CAMKMT: variants seen among roughly 807,000 people sequenced by gnomAD.
The protein encoded by CAMKMT is CaM KMT.
A neutral mutation model predicts 48.0 loss-of-function variants in CAMKMT; 53 were observed. That is an observed-to-expected ratio of 1.10 (90% CI 0.89 to 1.39). The LOEUF (loss-of-function observed/expected upper bound fraction) is 1.39, where lower values mean the gene tolerates loss of function less well. Ranked by LOEUF, CAMKMT falls within the 40% of genes most tolerant of loss-of-function variation. The pLI is 0.00. For missense variants in CAMKMT, 428 were observed against 402.7 expected (o/e 1.06, Z -0.54); for synonymous variants, 165 against 152.3 (o/e 1.08, Z -0.61).
intron 3 of CAMKMT, among the ~76,000 whole-genome samples, chr2:44,645,333 C>G (rs1673674297): frequency 1.3e-5 from 2 of 152,122 alleles, no homozygotes. Context: ...GAATGCCAAC[C>G]AGCAGCACAT....
intron 3 of CAMKMT, among the ~76,000 whole-genome samples, chr2:44,620,198 G>C (rs984331794): frequency 2.6e-5 from 4 of 152,004 alleles, no homozygotes; most frequent in African/African-American, 7.2e-5. Flanking sequence ...CAGTGATTAA[G>C]ATTGTGATAG....
chr2:44,421,267 G>T (rs1343170633), intron 3 of CAMKMT, among the ~76,000 whole-genome samples: 1 of 152,002 alleles, frequency 6.6e-6, no homozygotes, highest in African/African-American at 2.4e-5. Context: ...TTTGTCTTTT[G>T]TTAAATACTT....
chr2:44,406,154 G>A (rs995963953), intron 3 of CAMKMT, among the ~76,000 whole-genome samples: 3 of 152,236 alleles, frequency 2.0e-5, no homozygotes, highest in South Asian at 2.1e-4. Flanking sequence ...TAGAATTCAT[G>A]TTTCACCTGA....
intron 3 of CAMKMT, among the ~76,000 whole-genome samples, chr2:44,555,597 C>T (rs939624030): frequency 8.6e-5 from 13 of 152,020 alleles, no homozygotes; most frequent in Admixed American, 2.6e-4. Flanking sequence ...ATTTGGGAGT[C>T]ATCTTCAAAT....
chr2:44,723,990 T>C (rs1178477433), intron 7 of CAMKMT, among the ~76,000 whole-genome samples: 4 of 152,246 alleles, frequency 2.6e-5, no homozygotes, highest in Non-Finnish European at 5.9e-5. Flanking sequence ...ATCTGTGATG[T>C]TGCTTCCTTC....
At chr2:44,380,112 C>T (rs1442210152) in intron 2 of CAMKMT, among the ~76,000 whole-genome samples, 1 of 152,100 alleles carries the variant, frequency 6.6e-6, no homozygotes, top group Non-Finnish European at 1.5e-5. Flanking sequence ...CCTCTAGCAG[C>T]TTTTCTTTTT....
chr2:44,419,317 T>C (rs1683771767), intron 3 of CAMKMT, among the ~76,000 whole-genome samples: 1 of 152,236 alleles, frequency 6.6e-6, no homozygotes, highest in African/African-American at 2.4e-5. Flanking sequence ...TGAATGTTTC[T>C]ACAAAAGCAT....
At chr2:44,632,099 A>G (rs1412270335) in intron 3 of CAMKMT, among the ~76,000 whole-genome samples, 1 of 152,132 alleles carries the variant, frequency 6.6e-6, no homozygotes, top group Non-Finnish European at 1.5e-5. Flanking sequence ...AGCAACTTAA[A>G]AAAAGAAAAA....
At chr2:44,410,247 ATTT>A (rs1164693728) in intron 3 of CAMKMT, among the ~76,000 whole-genome samples, 7 of 19,480 alleles carry the variant, frequency 3.6e-4, no homozygotes, top group South Asian at 5.7e-3. Context: ...ATATATATAT[ATTT>A]TTTTTTTTTT....
chr2:44,738,430 A>G (rs953925829), intron 7 of CAMKMT, among the ~76,000 whole-genome samples: 15 of 152,372 alleles, frequency 9.8e-5, no homozygotes, highest in African/African-American at 3.6e-4. Flanking sequence ...ATCTTTAGAA[A>G]GCATTTTAAG....
chr2:44,511,935 G>A (rs1670584512), intron 3 of CAMKMT, among the ~76,000 whole-genome samples: 1 of 152,142 alleles, frequency 6.6e-6, no homozygotes, highest in Non-Finnish European at 1.5e-5. Flanking sequence ...ACTGTACTTT[G>A]TGCTTACCTA....
chr2:44,602,143 C>T (rs1671031456), intron 3 of CAMKMT, among the ~76,000 whole-genome samples: 1 of 151,984 alleles, frequency 6.6e-6, no homozygotes, highest in Admixed American at 6.6e-5. Flanking sequence ...GTAGCTGGGA[C>T]TACAGGTGCA....
At chr2:44,622,978 C>T (rs1286352582) in intron 3 of CAMKMT, among the ~76,000 whole-genome samples, 1 of 152,214 alleles carries the variant, frequency 6.6e-6, no homozygotes, top group Admixed American at 6.5e-5. Context: ...TCCCTTTTCT[C>T]TGCAGCCCTC....
intron 3 of CAMKMT, among the ~76,000 whole-genome samples, chr2:44,545,656 C>T (rs574875459): frequency 9.0e-4 from 132 of 147,118 alleles, no homozygotes; most frequent in African/African-American, 3.1e-3. Context: ...TAGAAGAATC[C>T]GGTGTTCTAA....
chr2:44,467,487 T>A (rs767958755), intron 3 of CAMKMT, among the ~76,000 whole-genome samples: 1 of 151,458 alleles, frequency 6.6e-6, no homozygotes, highest in Non-Finnish European at 1.5e-5. Context: ...AGCTGTGAGC[T>A]GTGATTGCAC....
At chr2:44,707,256 G>A in intron 5 of CAMKMT, 143 bp from the exon 6 acceptor site, 1 of 686,202 alleles carries the variant, frequency 1.5e-6, no homozygotes, top group Non-Finnish European at 2.5e-6. Context: ...AAATAATGCA[G>A]ACATAAAATG....
At chr2:44,488,091 A>G (rs1558651737) in intron 3 of CAMKMT, among the ~76,000 whole-genome samples, 1 of 152,244 alleles carries the variant, frequency 6.6e-6, no homozygotes, top group East Asian at 1.9e-4. Context: ...AAAGAACGGC[A>G]TGAAGTATGT....
chr2:44,667,619 G>C (rs202130968), intron 3 of CAMKMT, among the ~76,000 whole-genome samples: 1 of 151,898 alleles, frequency 6.6e-6, no homozygotes, highest in Non-Finnish European at 1.5e-5. Flanking sequence ...ATTCCTCCCC[G>C]TTATCTCCAT....
chr2:44,406,855 A>G (rs1308426212), intron 3 of CAMKMT, among the ~76,000 whole-genome samples: 1 of 152,132 alleles, frequency 6.6e-6, no homozygotes, highest in Non-Finnish European at 1.5e-5. Flanking sequence ...CGCCCACCAC[A>G]CCACATCTTC....
Sources: gnomAD v4.1 joint callset for allele counts (sites outside exome capture counted in the v4.1 genomes callset) on GRCh38, gnomAD v4.1.1 for gene constraint, MANE v1.5 for transcripts, NCBI Gene and HGNC (gene_info 2026-07-23, HGNC 2026-07-21) for gene names.